Variants in CEP41 observed in about 807,000 individuals in gnomAD.
CEP41 encodes centrosomal protein of 41 kDa.
Under a neutral mutation model 44.3 loss-of-function variants are expected in CEP41, and 32 were observed. The ratio of observed to expected loss-of-function variants is 0.72; its 90% CI spans 0.54 to 0.97. The LOEUF (loss-of-function observed/expected upper bound fraction) is 0.97, where lower values mean the gene tolerates loss of function less well. Among genes scored for constraint, CEP41 ranks in the 50% least tolerant of loss-of-function variants. The pLI, the probability that CEP41 is intolerant of heterozygous loss-of-function variation, is 0.00. For missense variants in CEP41, 432 were observed against 455.2 expected (o/e 0.95, Z 0.46); for synonymous variants, 151 against 168.5 (o/e 0.90, Z 0.80).
intron 1 of CEP41, among the ~76,000 whole-genome samples, chr7:130,432,087 AGAT>A (rs1797838598): frequency 6.6e-6 from 1 of 152,164 alleles, no homozygotes; most frequent in Non-Finnish European, 1.5e-5. Flanking sequence ...AGGTTGGTGA[AGAT>A]GATGAGGGGT....
At chr7:130,440,799 ATCCCG>A in intron 1 of CEP41, 130 bp downstream of exon 1, 8 of 257,084 alleles carry the variant, frequency 3.1e-5, no homozygotes, top group East Asian at 8.9e-5. Context: ...CCGCCCCTGC[ATCCCG>A]ACCCCTCCTC....
intron 2 of CEP41, chr7:130,419,750 TACTTA>T (rs1797445043): frequency 1.0e-6 from 1 of 985,310 alleles, no homozygotes; most frequent in Non-Finnish European, 1.2e-6. Flanking sequence ...TTGCCTTAAT[TACTTA>T]ACTTGACAAA....
At chr7:130,414,587 A>G (rs879972547) in intron 3 of CEP41, among the ~76,000 whole-genome samples, 5 of 152,252 alleles carry the variant, frequency 3.3e-5, no homozygotes, top group Admixed American at 3.3e-4. Context: ...AACAAACAAA[A>G]AAAAGACTGC....
chr7:130,425,415 A>G (rs1258367062), intron 2 of CEP41, among the ~76,000 whole-genome samples: 1 of 152,202 alleles, frequency 6.6e-6, no homozygotes, highest in East Asian at 1.9e-4. Flanking sequence ...TCTGTCTCAA[A>G]AAACAAAACA....
chr7:130,412,008 T>C (rs1797196127), intron 4 of CEP41, 171 bp downstream of exon 4: 5 of 640,686 alleles, frequency 7.8e-6, no homozygotes, highest in Admixed American at 2.7e-5. Flanking sequence ...TTTCTCACCA[T>C]CTTCATGTGA....
intron 2 of CEP41, chr7:130,417,181 T>A (rs1394229081): frequency 1.5e-6 from 2 of 1,363,606 alleles, no homozygotes; most frequent in East Asian, 2.9e-5. Context: ...TGGTAGAATG[T>A]GTTTAAGCTG....
At chr7:130,435,888 C>A (rs1428253837) in intron 1 of CEP41, among the ~76,000 whole-genome samples, 3 of 152,324 alleles carry the variant, frequency 2.0e-5, no homozygotes, top group Non-Finnish European at 4.4e-5. Flanking sequence ...GGCACAGTAG[C>A]TCACGCTTGT....
chr7:130,424,399 C>CCAA (rs530491177), intron 2 of CEP41, among the ~76,000 whole-genome samples: 3 of 96,576 alleles, frequency 3.1e-5, no homozygotes, highest in Admixed American at 1.1e-4. Flanking sequence ...GACCCTGTCT[C>CCAA]AAAAAAAAAA....
At chr7:130,416,893 C>T (rs1156534495) in intron 3 of CEP41, 26 bp downstream of exon 3, 1 of 1,547,124 alleles carries the variant, frequency 6.5e-7, no homozygotes, top group Non-Finnish European at 8.9e-7. Context: ...CTTCCACTCT[C>T]CCAAACCATC....
intron 1 of CEP41, among the ~76,000 whole-genome samples, chr7:130,428,479 T>A (rs1184566608): frequency 6.9e-6 from 1 of 145,482 alleles, no homozygotes; most frequent in Non-Finnish European, 1.5e-5. Context: ...AGAGGTCCAA[T>A]TGTCTTTTCA....
chr7:130,421,833 T>C, intron 2 of CEP41: 1 of 1,387,334 alleles, frequency 7.2e-7, no homozygotes, highest in Non-Finnish European at 9.3e-7. Flanking sequence ...TTGGAAAGTG[T>C]CCCTTAATCA....
chr7:130,415,170 A>T (rs1797297789), intron 3 of CEP41, among the ~76,000 whole-genome samples: 1 of 152,220 alleles, frequency 6.6e-6, no homozygotes, highest in Admixed American at 6.5e-5. Flanking sequence ...TTATTAGCAA[A>T]GGGAAGTTGG....
At chr7:130,421,690 G>C in intron 2 of CEP41, 1 of 1,132,416 alleles carries the variant, frequency 8.8e-7, no homozygotes, top group Non-Finnish European at 1.1e-6. Flanking sequence ...GGCTAGAAAA[G>C]ACTGAGTGGA....
rs556437521 is a variant in CEP41 at position 130,399,700 on chromosome 7, A to C, written c.973+339T>G. 6.9e-4 allele frequency: 200 copies of C among 290,698 alleles called. 3 individuals are homozygous for C. The highest frequency in any genetic ancestry group is 4.2e-3 in the African/African-American group (191 of 45,524). The allele number at this position is 290,698 out of a possible 1,614,324, so 18.0% of individuals were successfully genotyped here. A position where few individuals can be genotyped will look rare whatever the true frequency, so the allele number is the denominator to read the frequency against. On this transcript the variant is annotated intron_variant, in intron 10 of 10. Transcript: ENST00000223208. Reference sequence around the variant, plus strand: ...CCTGGTGTGGTGGCGGGCACCTGTAATCCCACCTACTCGGGAGGCTGATGT... The same window carrying C: ...CCTGGTGTGGTGGCGGGCACCTGTACTCCCACCTACTCGGGAGGCTGATGT...
At chr7:130,431,864 G>A (rs1203155011) in intron 1 of CEP41, among the ~76,000 whole-genome samples, 2 of 152,186 alleles carry the variant, frequency 1.3e-5, no homozygotes, top group Non-Finnish European at 2.9e-5. Context: ...GTTTCATCCT[G>A]TAGATCAGTG....
chr7:130,409,011 G>A (rs1249309320), intron 5 of CEP41, among the ~76,000 whole-genome samples: 3 of 152,190 alleles, frequency 2.0e-5, no homozygotes, highest in East Asian at 1.9e-4. Context: ...TGAGGGGTTA[G>A]AGAGGAGGAA....
intron 3 of CEP41, among the ~76,000 whole-genome samples, chr7:130,413,708 G>A (rs1442486886): frequency 6.6e-6 from 1 of 152,142 alleles, no homozygotes; most frequent in Non-Finnish European, 1.5e-5. Flanking sequence ...ACATTAAACA[G>A]TTATTAAAAA....
intron 2 of CEP41, chr7:130,420,166 A>C: frequency 1.7e-6 from 1 of 584,198 alleles, no homozygotes; most frequent in Non-Finnish European, 2.2e-6. Context: ...TACAAAACAC[A>C]CACATACACA....
chr7:130,411,939 G>A (rs1262138141), intron 4 of CEP41: 7 of 424,360 alleles, frequency 1.6e-5, no homozygotes, highest in Non-Finnish European at 3.0e-5. Flanking sequence ...CAAGTTTAAT[G>A]AATTAAAAGT....
Sources: gnomAD v4.1 joint callset for allele counts (sites outside exome capture counted in the v4.1 genomes callset) on GRCh38, gnomAD v4.1.1 for gene constraint, MANE v1.5 for transcripts, NCBI Gene and HGNC (gene_info 2026-07-23, HGNC 2026-07-21) for gene names.